The following ATG3 variants were observed in gnomAD, a reference collection of about 807,000 sequenced individuals.
ATG3 encodes the protein ubiquitin-like-conjugating enzyme ATG3.
ATG3 carries 25 observed loss-of-function variants against 50.7 expected under a neutral mutation model. The ratio of observed to expected loss-of-function variants is 0.49; its 90% confidence interval spans 0.36 to 0.69. The LOEUF (loss-of-function observed/expected upper bound fraction) is 0.69, where lower values mean the gene tolerates loss of function less well. ATG3 is among the 30% of genes least tolerant of loss of function. The pLI is 0.00. For missense variants in ATG3, 281 were observed against 376.0 expected, an observed-to-expected ratio of 0.75 and a Z score of 2.09; for synonymous variants, 119 against 125.5, an observed-to-expected ratio of 0.95 and a Z score of 0.34.
At chr3:112,553,004 T>G (rs1449315134) in intron 3 of ATG3, among the ~76,000 whole-genome samples, 4 of 152,186 alleles carry the variant, frequency 2.6e-5, no homozygotes, top group African/African-American at 9.7e-5. Flanking sequence ...AAGGTCAGAC[T>G]TAGACACTAT....
At chr3:112,542,297 A>G (rs1426871323) in intron 6 of ATG3, among the ~76,000 whole-genome samples, 1 of 152,182 alleles carries the variant, frequency 6.6e-6, no homozygotes, top group Non-Finnish European at 1.5e-5. Context: ...ATCAAACACT[A>G]TTACATTCTA....
intron 7 of ATG3, among the ~76,000 whole-genome samples, chr3:112,541,309 C>T (rs1933217567): frequency 3.9e-5 from 6 of 151,958 alleles, no homozygotes; most frequent in South Asian, 4.1e-4. Context: ...ATCACCTGAA[C>T]CTGGGAGACG....
intron 10 of ATG3, 107 bp from the exon 11 acceptor site, chr3:112,534,444 T>G (rs1321140086): frequency 4.3e-6 from 3 of 705,188 alleles, no homozygotes; most frequent in Non-Finnish European, 6.2e-6. Flanking sequence ...CTCAGTGAAT[T>G]AATTTTTAAT....
At chr3:112,547,938 T>C (rs976954572) in intron 5 of ATG3, among the ~76,000 whole-genome samples, 1 of 152,264 alleles carries the variant, frequency 6.6e-6, no homozygotes, top group African/African-American at 2.4e-5. Flanking sequence ...AGCAAGAGAC[T>C]GTAAAGCAAA....
At chr3:112,549,919 T>C (rs1291457943) in intron 4 of ATG3, among the ~76,000 whole-genome samples, 1 of 152,046 alleles carries the variant, frequency 6.6e-6, no homozygotes, top group African/African-American at 2.4e-5. Context: ...ATGAATTTCA[T>C]TTGCCATGCA....
At chr3:112,539,436 C>T (rs1392095745) in intron 7 of ATG3, among the ~76,000 whole-genome samples, 1 of 152,168 alleles carries the variant, frequency 6.6e-6, no homozygotes, top group East Asian at 1.9e-4. Context: ...CCCTCAAATA[C>T]CTAGTTTCAT....
intron 7 of ATG3, among the ~76,000 whole-genome samples, chr3:112,539,650 C>A (rs1443606328): frequency 6.6e-6 from 1 of 152,120 alleles, no homozygotes; most frequent in Non-Finnish European, 1.5e-5. Context: ...AATATAAACT[C>A]CATGAAATCA....
intron 3 of ATG3, 129 bp downstream of exon 3, chr3:112,553,151 G>C: frequency 1.3e-6 from 1 of 751,038 alleles, no homozygotes; most frequent in Non-Finnish European, 2.3e-6. Context: ...TTGTTTAACA[G>C]AAGAATCTGC....
intron 1 of ATG3, among the ~76,000 whole-genome samples, chr3:112,560,795 G>A (rs915147680): frequency 2.0e-5 from 3 of 152,072 alleles, no homozygotes; most frequent in African/African-American, 7.2e-5. Flanking sequence ...ATGCTGTACT[G>A]TTGCCAATAT....
At chr3:112,545,462 T>C (rs1933345621) in intron 5 of ATG3, among the ~76,000 whole-genome samples, 1 of 152,244 alleles carries the variant, frequency 6.6e-6, no homozygotes, top group African/African-American at 2.4e-5. Flanking sequence ...GTTAATCTTC[T>C]AAAATTTTGA....
intron 1 of ATG3, among the ~76,000 whole-genome samples, chr3:112,559,149 T>C (rs1933768392): frequency 6.6e-6 from 1 of 152,256 alleles, no homozygotes; most frequent in African/African-American, 2.4e-5. Context: ...GTCTTAAAGA[T>C]GTTTAGACAT....
At chr3:112,551,128 G>A (rs1419825298) in intron 3 of ATG3, among the ~76,000 whole-genome samples, 1 of 152,180 alleles carries the variant, frequency 6.6e-6, no homozygotes, top group Non-Finnish European at 1.5e-5. Context: ...ACGGTGAGAG[G>A]TGGAGTGGTA....
At chr3:112,538,851 A>G (rs758739993) in intron 7 of ATG3, among the ~76,000 whole-genome samples, 14 of 152,228 alleles carry the variant, frequency 9.2e-5, no homozygotes, top group African/African-American at 3.1e-4. Flanking sequence ...TCTCTACTAA[A>G]TAACTAATGA....
At chr3:112,544,612 C>G (rs1226805068) in intron 5 of ATG3, among the ~76,000 whole-genome samples, 1 of 134,398 alleles carries the variant, frequency 7.4e-6, no homozygotes, top group African/African-American at 2.7e-5. Context: ...CGAAATCGCA[C>G]CATTGCACTC....
chr3:112,546,812 G>A (rs1287135322), intron 5 of ATG3, among the ~76,000 whole-genome samples: 1 of 152,206 alleles, frequency 6.6e-6, no homozygotes, highest in East Asian at 1.9e-4. Flanking sequence ...AAGCAGAAGA[G>A]TTAAAAGACT....
intron 2 of ATG3, among the ~76,000 whole-genome samples, chr3:112,553,914 G>A (rs1008936076): frequency 5.1e-4 from 77 of 152,222 alleles, no homozygotes; most frequent in African/African-American, 1.8e-3. Context: ...GAAAAAGTTA[G>A]AAGCTTTTTG....
chr3:112,538,394 T>C, intron 7 of ATG3: 2 of 510,386 alleles, frequency 3.9e-6, no homozygotes, highest in South Asian at 2.6e-5. Context: ...CTTGACATAA[T>C]AATACTGTAG....
intron 2 of ATG3, among the ~76,000 whole-genome samples, chr3:112,553,951 T>C (rs994939727): frequency 1.3e-5 from 2 of 152,214 alleles, no homozygotes; most frequent in East Asian, 1.9e-4. Context: ...ACCTACAAAA[T>C]TAACAAATTG....
At chr3:112,550,150 C>T (rs751476219) in intron 4 of ATG3, 42 bp downstream of exon 4, 8 of 1,446,534 alleles carry the variant, frequency 5.5e-6, no homozygotes, top group Middle Eastern at 1.8e-4. Flanking sequence ...TTTTAATATA[C>T]CTCTACGCAA....
Sources: gnomAD v4.1 joint callset for allele counts (sites outside exome capture counted in the v4.1 genomes callset) on GRCh38, gnomAD v4.1.1 for gene constraint, MANE v1.5 for transcripts, NCBI Gene and HGNC (gene_info 2026-07-23, HGNC 2026-07-21) for gene names.